TLE5: variants seen among roughly 807,000 people sequenced by gnomAD.
TLE5 encodes TLE family member 5, transcriptional modulator.
Under a neutral mutation model 25.8 loss-of-function variants are expected in TLE5, and 7 were observed. The observed-to-expected ratio is 0.27, with a 90% CI of 0.15 to 0.51. TLE5 has a LOEUF of 0.51. TLE5 is among the 20% of genes least tolerant of loss of function. The probability of loss-of-function intolerance (pLI) is 0.97; values close to 1 mark genes in which losing one functional copy is unlikely to be tolerated. For synonymous variants in TLE5, 132 were observed against 110.5 expected, an observed-to-expected ratio of 1.20 and a Z score of -1.22; for missense variants, 149 against 250.7, an observed-to-expected ratio of 0.59 and a Z score of 2.74.
chr19:3,062,475 A>C lies in TLE5; in HGVS notation c.-275T>G, dbSNP rs2090280675. 1.6e-6 allele frequency: 1 copy of C among 614,850 alleles called. No homozygotes were observed. Among genetic ancestry groups the C allele is most frequent in the Non-Finnish European group, 2.0e-6 (1 of 499,382 alleles). The allele number at this position is 614,850 out of a possible 1,614,324, so 38.1% of individuals were successfully genotyped here. A position where few individuals can be genotyped will look rare whatever the true frequency, so the allele number is the denominator to read the frequency against. Reference sequence around the variant, plus strand: ...CTCCCCGGCCCCACCGCTATTGTCTAATGGCGGCGACGCCGGCAGTGGCCG... The same window carrying C: ...CTCCCCGGCCCCACCGCTATTGTCTCATGGCGGCGACGCCGGCAGTGGCCG... On this transcript the variant is annotated 5_prime_UTR_variant, in exon 1 of 7. In the 5' UTR this introduces an upstream ATG that the reference lacks. Coordinates refer to ENST00000327141, the MANE Select transcript of TLE5 (RefSeq NM_001130.6).
intron 2 of TLE5, among the ~76,000 whole-genome samples, chr19:3,058,505 C>G (rs545869653): frequency 6.6e-6 from 1 of 152,274 alleles, no homozygotes; most frequent in Non-Finnish European, 1.5e-5. Flanking sequence ...CAAGGGGACC[C>G]TAGCTTCATG....
intron 5 of TLE5, chr19:3,054,488 C>A (rs2090201278): frequency 7.5e-6 from 4 of 534,628 alleles, no homozygotes; most frequent in Non-Finnish European, 1.0e-5. Context: ...CCGGGAGAAA[C>A]CCTGGATCCT....
At chr19:3,057,651 A>T (rs763956103) in intron 3 of TLE5, 28 bp downstream of exon 3, 1 of 1,608,934 alleles carries the variant, frequency 6.2e-7, no homozygotes, top group Non-Finnish European at 8.5e-7. Flanking sequence ...CGCCCCCAAC[A>T]CTGGACCTGG....
chr19:3,061,393 T>G, intron 1 of TLE5, 136 bp from the exon 2 acceptor site: 1 of 565,996 alleles, frequency 1.8e-6, no homozygotes, highest in Non-Finnish European at 3.0e-6. Flanking sequence ...TTACGGCCCC[T>G]GGCGCGACCC....
upstream of TLE5, chr19:3,062,780 C>T (rs1316320033): frequency 6.5e-7 from 1 of 1,549,468 alleles, no homozygotes. Flanking sequence ...GCCGGCCCTG[C>T]TGTGGCACGA....
At chr19:3,061,313 G>C in intron 1 of TLE5, 56 bp from the exon 2 acceptor site, 1 of 1,421,714 alleles carries the variant, frequency 7.0e-7, no homozygotes, top group Admixed American at 1.7e-5. Context: ...CCCCCCTCAA[G>C]GGCCGGCTAG....
Position 3,061,892 on chromosome 19 carries a change from G to GGA in TLE5, c.27+281_27+282insTC, listed in dbSNP as rs1376598164. Among the ~76,000 whole-genome samples the GGA allele has an allele frequency of 6.7e-4, 97 of 145,178 alleles. 4 individuals carry two copies. The highest frequency in any genetic ancestry group is 2.3e-3 in the African/African-American group (90 of 39,300). On this transcript the variant is annotated intron_variant, in intron 1 of 6. Transcript: ENST00000327141. ...CCTGACTGTCCCGGCGGGTTGGGGG[G>GGA]GGGGGGCGCCAAGCCGGGAGCTGCG...
intron 3 of TLE5, 147 bp downstream of exon 3, chr19:3,057,532 G>T: frequency 1.3e-6 from 1 of 764,882 alleles, no homozygotes; most frequent in Non-Finnish European, 2.1e-6. Context: ...GCCCAGCAGG[G>T]GCCGGCTGAA....
At chr19:3,057,801 C>T in intron 2 of TLE5, 59 bp from the exon 3 acceptor site, 2 of 1,518,554 alleles carry the variant, frequency 1.3e-6, no homozygotes, top group Non-Finnish European at 1.8e-6. Context: ...GAGCCCCCCA[C>T]CCTCCGTTAT....
rs1191348938 is a variant in TLE5, at chr19:3,057,553, GC to G, written c.189+125del. On this transcript the variant is annotated intron_variant, in intron 3 of 6. Transcript: ENST00000327141. ...CAGGGGCCGGCTGAATGGAGAACAG[GC>G]CCCGATCCTCGCGCTTCCCAGGGGA... 4.5e-6 allele frequency: 4 copies of G among 888,590 alleles called. No individual in the cohort carries two copies. The African/African-American group carries it at 4.9e-5, about 11-fold the overall frequency. The allele number at this position is 888,590 out of a possible 1,614,324, so 55.0% of individuals were successfully genotyped here. A position where few individuals can be genotyped will look rare whatever the true frequency, so the allele number is the denominator to read the frequency against.
In TLE5 at chr19:3,054,477, C is replaced by G. The variant is rs770280781; in HGVS notation, c.298-283G>C. 141 of 547,404 alleles carry G rather than the reference C, an allele frequency of 2.6e-4. 1 individual carries two copies. Among genetic ancestry groups the G allele is most frequent in the Admixed American group, 3.1e-4 (10 of 32,202 alleles). 33.9% of individuals were successfully genotyped at this position (547,404 alleles called of 1,614,324 possible). On this transcript the variant is annotated intron_variant, in intron 5 of 6. Coordinates refer to ENST00000327141, the MANE Select transcript of TLE5 (RefSeq NM_001130.6). ...AGTTAGGAAACAGCTTTTGAGTGAGCCCGGGAGAAACCCTGGATCCTGACC... is the reference window on the plus strand; with the variant it reads ...AGTTAGGAAACAGCTTTTGAGTGAGGCCGGGAGAAACCCTGGATCCTGACC...
chr19:3,062,206 T>G lies in TLE5; in HGVS notation c.-6A>C. 8.1e-6 allele frequency: 9 copies of G among 1,114,746 alleles called. No individual in the cohort carries two copies. Among genetic ancestry groups the G allele is most frequent in the East Asian group, 4.7e-5 (1 of 21,152 alleles). 69.1% of individuals were successfully genotyped at this position (1,114,746 alleles called of 1,614,324 possible). A position where few individuals can be genotyped will look rare whatever the true frequency, so the allele number is the denominator to read the frequency against. On this transcript the variant is annotated 5_prime_UTR_variant, in exon 1 of 7. Coordinates refer to ENST00000327141, the MANE Select transcript of TLE5 (RefSeq NM_001130.6). Reference sequence around the variant, plus strand: ...CTGCTTTGTGGAAACATCATGTCAATCGCGGCGGGGGGCGCGGGCTGCGCC... The same window carrying G: ...CTGCTTTGTGGAAACATCATGTCAAGCGCGGCGGGGGGCGCGGGCTGCGCC...
chr19:3,062,425 C>T lies in TLE5; in HGVS notation c.-225G>A. 1.3e-6 allele frequency: 1 copy of T among 775,190 alleles called. No homozygotes were observed. The highest frequency in any genetic ancestry group is 1.6e-6 in the Non-Finnish European group (1 of 641,048). The allele number at this position is 775,190 out of a possible 1,614,324, so 48.0% of individuals were successfully genotyped here. ...CCTGCGCGCCCGGCGCCCCTCCCCGCCCCTCCCCGCCGCCCGCCTCCCCGC... is the reference window on the plus strand; with the variant it reads ...CCTGCGCGCCCGGCGCCCCTCCCCGTCCCTCCCCGCCGCCCGCCTCCCCGC... On this transcript the variant is annotated 5_prime_UTR_variant, in exon 1 of 7. Coordinates refer to ENST00000327141, the MANE Select transcript of TLE5 (RefSeq NM_001130.6).
chr19:3,054,086 T>TCCGGGGGGGGGCCCCC, intron 6 of TLE5, 34 bp downstream of exon 6: 2 of 1,512,806 alleles, frequency 1.3e-6, no homozygotes, highest in Non-Finnish European at 1.8e-6. Flanking sequence ...GGCCCACCTG[T>TCCGGGGGGGGGCCCCC]CCCCCGCCCA....
At chr19:3,062,513 T>TGCGGAGGCTTCGGCTCCACCTGCC, upstream of TLE5, 1 of 625,654 alleles carries the variant, frequency 1.6e-6, no homozygotes, top group African/African-American at 2.0e-5. Flanking sequence ...GCTCGGCTGC[T>TGCGGAGGCTTCGGCTCCACCTGCC]GCGGAGGCTT....
At position 3,052,951 on chromosome 19, in the gene TLE5, A is replaced by G. The variant is rs1247791263; in HGVS notation, c.*868T>C. 2 of 152,062 alleles carry G rather than the reference A, an allele frequency of 1.3e-5. No homozygotes were observed. The highest frequency in any genetic ancestry group is 6.6e-5 in the Admixed American group (1 of 15,242). The allele number at this position is 152,062 out of a possible 1,614,324, so 9.4% of individuals were successfully genotyped here. A position where few individuals can be genotyped will look rare whatever the true frequency, so the allele number is the denominator to read the frequency against. On this transcript the variant is annotated 3_prime_UTR_variant, in exon 7 of 7. Transcript: ENST00000327141. ...TTATTGGAAAGGCACAGCTAAGCCC[A>G]CCCTTGATACAGCATTTTCCACTTC...
upstream of TLE5, chr19:3,062,789 G>A: frequency 6.5e-7 from 1 of 1,549,648 alleles, no homozygotes. Flanking sequence ...GCTGTGGCAC[G>A]ACCTGGACGC....
intron 6 of TLE5, 34 bp downstream of exon 6, chr19:3,054,086 T>TCCGGGGGGGGGCCCC: frequency 6.6e-7 from 1 of 1,512,804 alleles, no homozygotes; most frequent in Non-Finnish European, 8.9e-7. Flanking sequence ...GGCCCACCTG[T>TCCGGGGGGGGGCCCC]CCCCCGCCCA....
intron 3 of TLE5, 118 bp downstream of exon 3, chr19:3,057,561 C>T (rs934092877): frequency 1.0e-6 from 1 of 969,496 alleles, no homozygotes. Flanking sequence ...AGGCCCCGAT[C>T]CTCGCGCTTC....
Sources: allele counts gnomAD v4.1 joint callset (sites outside exome capture counted in the v4.1 genomes callset), GRCh38; gene constraint gnomAD v4.1.1; transcripts MANE v1.5; gene names NCBI Gene and HGNC (gene_info 2026-07-23, HGNC 2026-07-21).